The following FBLN2 variants were observed in gnomAD, a reference collection of about 807,000 sequenced individuals.
FBLN2 encodes the protein fibulin 2.
Under a neutral mutation model 123.7 loss-of-function variants are expected in FBLN2, and 81 were observed. That is an observed-to-expected ratio of 0.65 (90% CI 0.55 to 0.79). The LOEUF (loss-of-function observed/expected upper bound fraction) is 0.79, where lower values mean the gene tolerates loss of function less well. Ranked by LOEUF, FBLN2 falls within the 30% of genes least tolerant of loss-of-function variation. The probability of loss-of-function intolerance (pLI) is 0.00; values close to 1 mark genes in which losing one functional copy is unlikely to be tolerated. For synonymous variants in FBLN2, 699 were observed against 701.4 expected, an observed-to-expected ratio of 1.00 and a Z score of 0.05; for missense variants, 1,603 against 1,681.3, an observed-to-expected ratio of 0.95 and a Z score of 0.81.
At chr3:13,619,553 A>G (rs923389825) in intron 7 of FBLN2, among the ~76,000 whole-genome samples, 177 bp from the exon 8 acceptor site, 1 of 152,230 alleles carries the variant, frequency 6.6e-6, no homozygotes, top group Non-Finnish European at 1.5e-5. Context: ...GAGCAGACTT[A>G]ATGGATGAAC....
intron 1 of FBLN2, chr3:13,566,607 G>A (rs571980262): frequency 6.6e-5 from 10 of 152,372 alleles, no homozygotes; most frequent in African/African-American, 2.2e-4. Context: ...ACACATCCCA[G>A]ATGGTCCTTT....
intron 2 of FBLN2, among the ~76,000 whole-genome samples, chr3:13,576,651 C>T (rs1003512819): frequency 5.3e-5 from 8 of 151,342 alleles, no homozygotes; most frequent in South Asian, 2.1e-4. Flanking sequence ...GGAGAGAGGT[C>T]GGAATGCTCA....
chr3:13,630,184 C>T (rs1706208207), intron 14 of FBLN2, among the ~76,000 whole-genome samples: 2 of 152,216 alleles, frequency 1.3e-5, no homozygotes, highest in African/African-American at 4.8e-5. Flanking sequence ...GGCTCCAGCT[C>T]CCTCAGTCCA....
At chr3:13,630,149 C>T (rs542499843) in intron 14 of FBLN2, among the ~76,000 whole-genome samples, 1 of 152,350 alleles carries the variant, frequency 6.6e-6, no homozygotes, top group East Asian at 1.9e-4. Flanking sequence ...GTTTTCTGCC[C>T]TGAATTCCCC....
chr3:13,560,539 T>C (rs1484775144), intron 1 of FBLN2, among the ~76,000 whole-genome samples: 1 of 151,970 alleles, frequency 6.6e-6, no homozygotes, highest in Non-Finnish European at 1.5e-5. Flanking sequence ...ACCACAGACC[T>C]CTCCTCATCC....
At chr3:13,628,254 G>A (rs1285184406) in intron 11 of FBLN2, among the ~76,000 whole-genome samples, 1 of 152,182 alleles carries the variant, frequency 6.6e-6, no homozygotes, top group Admixed American at 6.5e-5. Flanking sequence ...GGATACGAAT[G>A]AGTATCCCTT....
chr3:13,581,150 A>G (rs1704310940), intron 2 of FBLN2, among the ~76,000 whole-genome samples: 2 of 141,282 alleles, frequency 1.4e-5, no homozygotes, highest in East Asian at 4.4e-4. Flanking sequence ...AGATTTTATT[A>G]CTTCCTGGGG....
At chr3:13,599,228 T>G (rs1208001276) in intron 2 of FBLN2, among the ~76,000 whole-genome samples, 1 of 151,960 alleles carries the variant, frequency 6.6e-6, no homozygotes, top group Non-Finnish European at 1.5e-5. Flanking sequence ...TAGGAGTTAG[T>G]TTAGATATGG....
rs1277484443 is a variant in FBLN2, at chr3:13,629,202, G to A, written c.2752G>A (p.Glu918Lys). The change falls in exon 13 of 18, where the codon GAG becomes AAG. Residue 918 changes from glutamate (E) to lysine (K), a missense_variant. Coordinates refer to ENST00000404922, the MANE Select transcript of FBLN2 (RefSeq NM_001004019.2). Reference sequence around the variant, plus strand: ...TGAGACAGGTGTGCACCGCTGCGGTGAGGGCCAAGTGTGCCACAACCTCCC... The same window carrying A: ...TGAGACAGGTGTGCACCGCTGCGGTAAGGGCCAAGTGTGCCACAACCTCCC... ...ECETGVHRCGEGQVCHNLPGS... is the reference protein window; with the variant it reads ...ECETGVHRCGKGQVCHNLPGS... 6.2e-7 allele frequency: 1 copy of A among 1,613,312 alleles called. No homozygotes were observed. Among genetic ancestry groups the A allele is most frequent in the East Asian group, 2.2e-5 (1 of 44,872 alleles).
Position 13,618,237 on chromosome 3 carries a change from T to A in FBLN2, c.1891T>A (p.Cys631Ser). 6.2e-6 allele frequency: 10 copies of A among 1,613,964 alleles called. No individual in the cohort carries two copies. Among genetic ancestry groups the A allele is most frequent in the Non-Finnish European group, 7.6e-6 (9 of 1,179,906 alleles). Reference sequence around the variant, plus strand: ...TACTGTGGGTTCTTACCACTGTGCCTGCTTTCCTGGCTTCTCACTGCAGGA... The same window carrying A: ...TACTGTGGGTTCTTACCACTGTGCCAGCTTTCCTGGCTTCTCACTGCAGGA... ...INTVGSYHCA[C>S]FPGFSLQDDG... The change falls in exon 6 of 18, where the codon TGC (cysteine) becomes AGC (serine). Residue 631 changes from cysteine to serine, a missense_variant. Physicochemically the swap from Cys to Ser is moderately radical, Grantham distance 112 (BLOSUM62 -1). Coordinates refer to ENST00000404922, the MANE Select transcript of FBLN2 (RefSeq NM_001004019.2).
chr3:13,577,162 G>A (rs1277434159), intron 2 of FBLN2, among the ~76,000 whole-genome samples: 4 of 151,158 alleles, frequency 2.6e-5, no homozygotes, highest in Non-Finnish European at 5.9e-5. Flanking sequence ...GGCAGAGGTT[G>A]CAGTGAGCCG....
chr3:13,586,904 T>A (rs1225873905), intron 2 of FBLN2, among the ~76,000 whole-genome samples: 1 of 150,952 alleles, frequency 6.6e-6, no homozygotes, highest in Non-Finnish European at 1.5e-5. Flanking sequence ...TCCCAGCACT[T>A]TGGGAGGCTG....
intron 2 of FBLN2, among the ~76,000 whole-genome samples, chr3:13,571,905 C>G (rs914217307): frequency 6.6e-6 from 1 of 152,194 alleles, no homozygotes; most frequent in East Asian, 1.9e-4. Context: ...GTGCTGGGCC[C>G]CCTGGTAGGG....
At chr3:13,559,031 G>T (rs1276277835) in intron 1 of FBLN2, among the ~76,000 whole-genome samples, 1 of 152,102 alleles carries the variant, frequency 6.6e-6, no homozygotes, top group Non-Finnish European at 1.5e-5. Context: ...AGGGGGATGG[G>T]TTAGGAAAGC....
chr3:13,593,890 T>C (rs1704758073), intron 2 of FBLN2, among the ~76,000 whole-genome samples: 1 of 152,060 alleles, frequency 6.6e-6, no homozygotes, highest in Non-Finnish European at 1.5e-5. Context: ...GAATTCTTCT[T>C]CTCTCAGCCC....
At chr3:13,569,656 C>G (rs532806897) in intron 1 of FBLN2, among the ~76,000 whole-genome samples, 1 of 151,902 alleles carries the variant, frequency 6.6e-6, no homozygotes, top group African/African-American at 2.4e-5. Context: ...CCTGCAGTCC[C>G]GAGGGTCTCA....
At chr3:13,557,843 T>C (rs1376903327) in intron 1 of FBLN2, among the ~76,000 whole-genome samples, 3 of 152,188 alleles carry the variant, frequency 2.0e-5, no homozygotes, top group African/African-American at 7.2e-5. Context: ...TGCTCCGAGG[T>C]GCCCAGCAGC....
At chr3:13,584,683 G>A (rs1704441818) in intron 2 of FBLN2, among the ~76,000 whole-genome samples, 1 of 152,222 alleles carries the variant, frequency 6.6e-6, no homozygotes, top group African/African-American at 2.4e-5. Flanking sequence ...GCTGACGGGT[G>A]GAAGGTGGGT....
Position 13,608,133 on chromosome 3 carries a change from C to G in FBLN2, c.1378C>G (p.Leu460Val), listed in dbSNP as rs376523953. 6.3e-7 allele frequency: 1 copy of G among 1,597,190 alleles called. No homozygotes were observed. The highest frequency in any genetic ancestry group is 8.5e-7 in the Non-Finnish European group (1 of 1,172,150). The change falls in exon 3 of 18, where the codon CTG (leucine) becomes GTG (valine). Residue 460 changes from leucine (L) to valine (V), a missense_variant. Transcript: ENST00000404922. ...QQWAIDNDEC[L>V]EIPESGTEDN... The stretch of plus-strand genomic sequence containing the variant: ...GTGGGCCATTGACAATGACGAGTGC[C>G]TGGAGATCCCTGAGAGTGGCACTGA...
Sources: gnomAD v4.1 joint callset for allele counts (sites outside exome capture counted in the v4.1 genomes callset) on GRCh38, gnomAD v4.1.1 for gene constraint, MANE v1.5 for transcripts, NCBI Gene and HGNC (gene_info 2026-07-23, HGNC 2026-07-21) for gene names.